Variants in GCNT1 observed in about 807,000 individuals in gnomAD.
GCNT1 encodes glucosaminyl (N-acetyl) transferase 1, also known as beta-1,3-galactosyl-O-glycosyl-glycoprotein beta-1,6-N-acetylglucosaminyltransferase.
GCNT1 carries 16 observed loss-of-function variants against 26.2 expected under a neutral mutation model. The ratio of observed to expected loss-of-function variants is 0.61; its 90% confidence interval spans 0.41 to 0.93. The LOEUF (loss-of-function observed/expected upper bound fraction) is 0.93. GCNT1 is among the 40% of genes least tolerant of loss of function. The pLI, the probability that GCNT1 is intolerant of heterozygous loss-of-function variation, is 0.00. For synonymous variants in GCNT1, 183 were observed against 190.8 expected (o/e 0.96, Z 0.34); for missense variants, 477 against 526.7 (o/e 0.91, Z 0.92).
chr9:76,490,341 T>G (rs1334766429), intron 2 of GCNT1, among the ~76,000 whole-genome samples: 1 of 152,212 alleles, frequency 6.6e-6, no homozygotes, highest in Non-Finnish European at 1.5e-5. Context: ...GATTTTTTAT[T>G]TCTTGCAAAC....
upstream of GCNT1, among the ~76,000 whole-genome samples, chr9:76,457,987 A>G (rs1421574825): frequency 6.6e-6 from 1 of 152,062 alleles, no homozygotes; most frequent in Non-Finnish European, 1.5e-5. Context: ...GATACCCCCT[A>G]CACGAAATCT....
chr9:76,474,537 C>G lies in GCNT1; in HGVS notation c.-290+14360C>G, dbSNP rs79609984. On this transcript the variant is annotated intron_variant, in intron 2 of 3. Transcript: ENST00000376730. ...ACAAAAACAAATGATATTTTGATAGCCAATAAATCAAAAAAGAATAGAAAA... is the reference window on the plus strand; with the variant it reads ...ACAAAAACAAATGATATTTTGATAGGCAATAAATCAAAAAAGAATAGAAAA... Among the ~76,000 whole-genome samples, 1,228 of 152,060 alleles carry G rather than the reference C, an allele frequency of 8.1e-3. 16 individuals are homozygous for G. Among genetic ancestry groups the G allele is most frequent in the African/African-American group, 0.028 (1,145 of 41,468 alleles).
Position 76,503,750 on chromosome 9 carries a change from G to A in GCNT1, c.*82G>A. The A allele has an allele frequency of 2.7e-6, 3 of 1,129,892 alleles. No individual in the cohort carries two copies. 70.0% of individuals were successfully genotyped at this position (1,129,892 alleles called of 1,614,324 possible). ...GTTTCCCCTTCCTTGTCAGCATCGGGAAGATGGTATGAAGTCCTCTTTGGG... is the reference window on the plus strand; with the variant it reads ...GTTTCCCCTTCCTTGTCAGCATCGGAAAGATGGTATGAAGTCCTCTTTGGG... On this transcript the variant is annotated 3_prime_UTR_variant, in exon 4 of 4. Transcript: ENST00000376730.
intron 1 of GCNT1, among the ~76,000 whole-genome samples, chr9:76,425,041 A>C (rs1341847098): frequency 6.8e-6 from 1 of 147,334 alleles, no homozygotes; most frequent in African/African-American, 2.5e-5. Flanking sequence ...TGGGAGACTG[A>C]GGCAGGAGAA....
the GCNT1 span, among the ~76,000 whole-genome samples, chr9:76,410,839 C>T: frequency 6.6e-6 from 1 of 152,182 alleles, no homozygotes; most frequent in South Asian, 2.1e-4. Flanking sequence ...GTATTCCTAT[C>T]AGTTTTTGCC....
At chr9:76,500,695 C>G (rs1473018850) in intron 2 of GCNT1, among the ~76,000 whole-genome samples, 1 of 152,098 alleles carries the variant, frequency 6.6e-6, no homozygotes, top group Non-Finnish European at 1.5e-5. Context: ...AGAACTTAAC[C>G]TAAATTTCAG....
At chr9:76,432,672 C>T (rs141908547) in intron 1 of GCNT1, among the ~76,000 whole-genome samples, 95 of 152,206 alleles carry the variant, frequency 6.2e-4, no homozygotes, top group Non-Finnish European at 2.5e-4. Context: ...ATACTGATAG[C>T]GGTAGGAGGC....
At chr9:76,411,697 CTTTT>C in the GCNT1 span, among the ~76,000 whole-genome samples, 20 of 83,652 alleles carry the variant, frequency 2.4e-4, no homozygotes, top group African/African-American at 9.6e-4. Context: ...ATCAATTATA[CTTTT>C]TTTTTTTTTT....
At chr9:76,479,113 T>C (rs912693862) in intron 2 of GCNT1, among the ~76,000 whole-genome samples, 1 of 152,052 alleles carries the variant, frequency 6.6e-6, no homozygotes, top group Non-Finnish European at 1.5e-5. Context: ...CGATGTTTGG[T>C]TTTTTGTCCT....
chr9:76,467,743 T>C (rs1301670373), intron 2 of GCNT1, among the ~76,000 whole-genome samples: 1 of 151,972 alleles, frequency 6.6e-6, no homozygotes, highest in Non-Finnish European at 1.5e-5. Flanking sequence ...TGAGACCAAT[T>C]GTGTAGGACA....
intron 1 of GCNT1, among the ~76,000 whole-genome samples, chr9:76,428,292 T>TAAAAAAAAAAA (rs1279001629): frequency 9.9e-4 from 85 of 85,886 alleles, no homozygotes; most frequent in Non-Finnish European, 1.5e-3. Flanking sequence ...AAAAAAAACT[T>TAAAAAAAAAAA]AAAAAAAAAA....
upstream of GCNT1, among the ~76,000 whole-genome samples, chr9:76,454,815 G>GTGAGTCAA (rs1029532517): frequency 6.8e-6 from 1 of 148,070 alleles, no homozygotes; most frequent in African/African-American, 2.5e-5. Context: ...AGGCAAAACT[G>GTGAGTCAA]TGAGTCAATT....
chr9:76,444,734 G>A (rs569274348), intron 1 of GCNT1, among the ~76,000 whole-genome samples: 32 of 152,286 alleles, frequency 2.1e-4, no homozygotes, highest in Admixed American at 9.8e-4. Flanking sequence ...TCCCTTTTCT[G>A]TTTTCACAAG....
chr9:76,504,887 G>A lies in GCNT1; in HGVS notation c.*1219G>A. 2.4e-6 allele frequency: 1 copy of A among 413,418 alleles called. No individual in the cohort carries two copies. 25.6% of individuals were successfully genotyped at this position (413,418 alleles called of 1,614,324 possible). On this transcript the variant is annotated 3_prime_UTR_variant, in exon 4 of 4. Coordinates refer to ENST00000376730, the MANE Select transcript of GCNT1 (RefSeq NM_001490.5). ...TCCACATGGCCTGTTGGAAGGCCTG[G>A]GGAGGGAACTTTGGGTTTGGGACAG... is the stretch of plus-strand genomic sequence containing the variant.
chr9:76,411,303 G>A, the GCNT1 span, among the ~76,000 whole-genome samples: 1 of 151,704 alleles, frequency 6.6e-6, no homozygotes, highest in Non-Finnish European at 1.5e-5. Flanking sequence ...GCCATTTTGG[G>A]GGTTTTTTTT....
At chr9:76,496,225 A>G (rs1824903827) in intron 2 of GCNT1, among the ~76,000 whole-genome samples, 1 of 152,210 alleles carries the variant, frequency 6.6e-6, no homozygotes, top group Non-Finnish European at 1.5e-5. Flanking sequence ...GGTCTTTGCC[A>G]AGTTTGAGGT....
chr9:76,422,153 C>T (rs575081286), intron 1 of GCNT1, among the ~76,000 whole-genome samples: 1 of 152,170 alleles, frequency 6.6e-6, no homozygotes, highest in African/African-American at 2.4e-5. Context: ...GAGAAACCAC[C>T]CCCATGATTC....
At chr9:76,500,350 C>G (rs1587458298) in intron 2 of GCNT1, among the ~76,000 whole-genome samples, 1 of 152,166 alleles carries the variant, frequency 6.6e-6, no homozygotes, top group Non-Finnish European at 1.5e-5. Context: ...ATAGAGATTT[C>G]CTTATGTGCC....
chr9:76,458,199 T>TC, upstream of GCNT1, among the ~76,000 whole-genome samples: 1 of 144,014 alleles, frequency 6.9e-6, no homozygotes, highest in South Asian at 2.3e-4. Context: ...TTTTTTTTTT[T>TC]TGAGATGGAG....
Sources: gnomAD v4.1 joint callset for allele counts (sites outside exome capture counted in the v4.1 genomes callset) on GRCh38, gnomAD v4.1.1 for gene constraint, MANE v1.5 for transcripts, NCBI Gene and HGNC (gene_info 2026-07-23, HGNC 2026-07-21) for gene names.